Variants in ANO4 observed in about 807,000 individuals in gnomAD.
ANO4 encodes the protein anoctamin 4.
ANO4 carries 69 observed loss-of-function variants against 141.9 expected under a neutral mutation model. That is an observed-to-expected ratio of 0.49 (90% CI 0.40 to 0.59). The LOEUF is 0.59. Among genes scored for constraint, ANO4 ranks in the 20% least tolerant of loss-of-function variants. The pLI is 0.00. For missense variants in ANO4, 894 were observed against 1,162.2 expected (o/e 0.77, Z 3.36); for synonymous variants, 350 against 394.3 (o/e 0.89, Z 1.33).
chr12:101,070,331 A>G (rs1242063113), intron 14 of ANO4, among the ~76,000 whole-genome samples: 1 of 152,160 alleles, frequency 6.6e-6, no homozygotes, highest in Non-Finnish European at 1.5e-5. Context: ...ATATAGACCA[A>G]TGGGATAGAA....
At chr12:100,880,106 C>G (rs1020104840) in intron 1 of ANO4, among the ~76,000 whole-genome samples, 1 of 152,058 alleles carries the variant, frequency 6.6e-6, no homozygotes, top group African/African-American at 2.4e-5. Flanking sequence ...TTTAGCATGG[C>G]TATAGGAAGA....
At position 101,086,874 on chromosome 12, in the gene ANO4, A is replaced by G. The variant is rs1346666058; in HGVS notation, c.1701+50A>G. The G allele has an allele frequency of 3.8e-6, 6 of 1,588,554 alleles. No individual in the cohort carries two copies. In the South Asian group the frequency reaches 6.8e-5, roughly 18 times the overall value. ...AAACGGATCAAAATGTGTGGGCTGC[A>G]AGTGACAGTTTTCTTCTGTTGCTAA... On this transcript the variant is annotated intron_variant, in intron 17 of 27. Coordinates refer to ENST00000392977, the MANE Select transcript of ANO4 (RefSeq NM_001286615.2).
chr12:100,960,154 T>C (rs2043351904), intron 5 of ANO4, among the ~76,000 whole-genome samples: 2 of 152,262 alleles, frequency 1.3e-5, no homozygotes, highest in South Asian at 2.1e-4. Context: ...GATTTCCCTG[T>C]GCCTGAAGGA....
chr12:100,861,736 G>C (rs575122244), intron 1 of ANO4, among the ~76,000 whole-genome samples: 1 of 152,186 alleles, frequency 6.6e-6, no homozygotes, highest in African/African-American at 2.4e-5. Context: ...AAATGTTTTT[G>C]ACTCTTTTGT....
At chr12:100,843,853 A>T (rs888960120) in intron 1 of ANO4, among the ~76,000 whole-genome samples, 1 of 152,292 alleles carries the variant, frequency 6.6e-6, no homozygotes, top group Admixed American at 6.5e-5. Flanking sequence ...ATGTTGAAAA[A>T]CTGACCAGGA....
At chr12:100,753,550 A>G (rs942975412) in intron 3 of ANO4, among the ~76,000 whole-genome samples, 2 of 152,128 alleles carry the variant, frequency 1.3e-5, no homozygotes, top group African/African-American at 4.8e-5. Flanking sequence ...CACTTTAGGA[A>G]GGCAGACACT....
At chr12:100,932,100 G>A (rs2042105979) in intron 3 of ANO4, among the ~76,000 whole-genome samples, 1 of 151,770 alleles carries the variant, frequency 6.6e-6, no homozygotes, top group African/African-American at 2.4e-5. Context: ...TAATGAACTG[G>A]CGCTCTAGAG....
At chr12:100,989,621 AGATG>A (rs375754773) in intron 8 of ANO4, among the ~76,000 whole-genome samples, 19,374 of 102,778 alleles carry the variant, frequency 0.19, 1,499 homozygotes, top group East Asian at 0.31. Context: ...ATGGATGGAT[AGATG>A]GATGGATGGA....
intron 3 of ANO4, among the ~76,000 whole-genome samples, chr12:100,742,284 T>C (rs922423424): frequency 2.0e-5 from 3 of 152,152 alleles, no homozygotes; most frequent in Non-Finnish European, 4.4e-5. Context: ...ATTTATTTGA[T>C]TTTTTAGAAC....
At chr12:100,731,459 T>C (rs932991961) in intron 1 of ANO4, among the ~76,000 whole-genome samples, 1 of 152,192 alleles carries the variant, frequency 6.6e-6, no homozygotes, top group African/African-American at 2.4e-5. Flanking sequence ...TATCAATATC[T>C]CCCACTGGAG....
rs1016015663 is a variant in ANO4 at position 100,928,592 on chromosome 12, T to C, written c.160+6262T>C. Among the ~76,000 whole-genome samples, 4 of 152,242 alleles carry C rather than the reference T, an allele frequency of 2.6e-5. No homozygotes were observed. In the East Asian group the frequency reaches 5.8e-4, roughly 22 times the overall value. On this transcript the variant is annotated intron_variant, in intron 3 of 27. Coordinates refer to ENST00000392977, the MANE Select transcript of ANO4 (RefSeq NM_001286615.2). The stretch of plus-strand genomic sequence containing the variant: ...CATGCTCTTTCCAAAGAAGGTGAAA[T>C]TGTGGTCAGTAGACTTGGAGGCTCT...
intron 5 of ANO4, among the ~76,000 whole-genome samples, chr12:100,963,515 T>A (rs1040117860): frequency 6.6e-6 from 1 of 152,064 alleles, no homozygotes; most frequent in Non-Finnish European, 1.5e-5. Context: ...TCTGTGTGTG[T>A]GTGTGTATGT....
rs146872487 is a variant in ANO4, at chr12:100,994,013, T to C, written c.734+6343T>C. ...AACTCCTTGTTGTAGGGAAGAGTCC[T>C]GTGCAGTGTAGGATAGTAAGCAGCA... is the stretch of plus-strand genomic sequence containing the variant. On this transcript the variant is annotated intron_variant, in intron 8 of 27. Coordinates refer to ENST00000392977, the MANE Select transcript of ANO4 (RefSeq NM_001286615.2). Among the ~76,000 whole-genome samples, 447 of 152,314 alleles carry C rather than the reference T, an allele frequency of 2.9e-3. 3 individuals carry two copies. Among genetic ancestry groups the C allele is most frequent in the African/African-American group, 1.0e-2 (415 of 41,564 alleles).
intron 3 of ANO4, among the ~76,000 whole-genome samples, chr12:100,747,232 G>T (rs1015969050): frequency 9.9e-5 from 15 of 152,244 alleles, no homozygotes; most frequent in Admixed American, 7.2e-4. Context: ...CATTGATAAT[G>T]GGTTCATGGG....
chr12:100,971,596 T>C (rs2043937288), intron 6 of ANO4, among the ~76,000 whole-genome samples, 190 bp downstream of exon 6: 2 of 152,224 alleles, frequency 1.3e-5, no homozygotes, highest in Admixed American at 1.3e-4. Context: ...TGTGAAAAAT[T>C]CTGGCTAATT....
chr12:101,026,924 A>G (rs1197946772), intron 9 of ANO4, among the ~76,000 whole-genome samples: 1 of 152,232 alleles, frequency 6.6e-6, no homozygotes, highest in Non-Finnish European at 1.5e-5. Context: ...TGTTTTCAAG[A>G]GAATGAAAAG....
intron 24 of ANO4, among the ~76,000 whole-genome samples, chr12:101,114,214 T>G (rs1283897854): frequency 6.6e-6 from 1 of 152,226 alleles, no homozygotes; most frequent in Non-Finnish European, 1.5e-5. Flanking sequence ...TAGCTGAATT[T>G]TATACAGCAA....
chr12:100,801,319 A>G (rs1017119335), intron 1 of ANO4, among the ~76,000 whole-genome samples: 2 of 152,156 alleles, frequency 1.3e-5, no homozygotes, highest in African/African-American at 4.8e-5. Context: ...CAATGTGACT[A>G]TGAATTATAC....
chr12:100,826,797 G>A (rs1191072874), intron 1 of ANO4, among the ~76,000 whole-genome samples: 6 of 151,890 alleles, frequency 4.0e-5, no homozygotes, highest in Non-Finnish European at 8.8e-5. Flanking sequence ...TTCCATCTCC[G>A]TCAATGGCAA....
Sources: gnomAD v4.1 joint callset for allele counts (sites outside exome capture counted in the v4.1 genomes callset) on GRCh38, gnomAD v4.1.1 for gene constraint, MANE v1.5 for transcripts, NCBI Gene and HGNC (gene_info 2026-07-23, HGNC 2026-07-21) for gene names.